Variants in KCNMA1 observed in about 807,000 individuals in gnomAD.
The protein encoded by KCNMA1 is potassium calcium-activated channel subfamily M alpha 1, also known as Calcium-activated potassium channel subunit alpha-1.
Under a neutral mutation model 140.0 loss-of-function variants are expected in KCNMA1, and 29 were observed. The ratio of observed to expected loss-of-function variants is 0.21; its 90% CI spans 0.15 to 0.28. The LOEUF (loss-of-function observed/expected upper bound fraction) is 0.28, where lower values mean the gene tolerates loss of function less well. Ranked by LOEUF, KCNMA1 falls within the 10% of genes least tolerant of loss-of-function variation. The pLI, the probability that KCNMA1 is intolerant of heterozygous loss-of-function variation, is 1.00. For missense variants in KCNMA1, 880 were observed against 1,602.2 expected, an observed-to-expected ratio of 0.55 and a Z score of 7.70; for synonymous variants, 612 against 611.9, an observed-to-expected ratio of 1.00 and a Z score of 0.00.
At chr10:77,312,639 T>G (rs1359969460) in intron 2 of KCNMA1, among the ~76,000 whole-genome samples, 1 of 151,934 alleles carries the variant, frequency 6.6e-6, no homozygotes, top group Non-Finnish European at 1.5e-5. Context: ...AAATAAAGAA[T>G]GCCAAGAGGC....
At chr10:77,628,131 T>C (rs2092761039) in intron 1 of KCNMA1, among the ~76,000 whole-genome samples, 1 of 152,012 alleles carries the variant, frequency 6.6e-6, no homozygotes, top group Non-Finnish European at 1.5e-5. Context: ...ACTCATCTTA[T>C]ACTCCCAACT....
intron 2 of KCNMA1, among the ~76,000 whole-genome samples, chr10:77,291,877 C>A (rs1343361259): frequency 2.0e-5 from 3 of 152,114 alleles, no homozygotes; most frequent in Admixed American, 6.5e-5. Context: ...TAGATAAATT[C>A]CCCAGGGGCA....
intron 1 of KCNMA1, among the ~76,000 whole-genome samples, chr10:77,428,534 GT>G (rs1391891696): frequency 6.6e-6 from 1 of 152,166 alleles, no homozygotes; most frequent in Non-Finnish European, 1.5e-5. Flanking sequence ...TAAGGAGTGT[GT>G]TTTGCAGGCT....
chr10:77,060,025 T>A (rs1455947391), intron 14 of KCNMA1, among the ~76,000 whole-genome samples: 1 of 152,152 alleles, frequency 6.6e-6, no homozygotes. Context: ...AGAATCTTGA[T>A]GCTGAAAACT....
chr10:77,165,535 C>T (rs895782184), intron 5 of KCNMA1, among the ~76,000 whole-genome samples: 4 of 152,106 alleles, frequency 2.6e-5, no homozygotes, highest in Non-Finnish European at 4.4e-5. Flanking sequence ...AAATATTCTA[C>T]GGAGATAAAA....
At chr10:77,483,725 GA>G (rs2154534500) in intron 1 of KCNMA1, among the ~76,000 whole-genome samples, 1 of 152,310 alleles carries the variant, frequency 6.6e-6, no homozygotes, top group African/African-American at 2.4e-5. Flanking sequence ...CCACATTCAA[GA>G]ACCTGGTGAA....
At chr10:77,510,713 A>G (rs1333690442) in intron 1 of KCNMA1, among the ~76,000 whole-genome samples, 1 of 151,958 alleles carries the variant, frequency 6.6e-6, no homozygotes, top group Non-Finnish European at 1.5e-5. Flanking sequence ...CAGGAGGATC[A>G]CTTGAGCCCA....
At chr10:77,539,634 G>A (rs1182191408) in intron 1 of KCNMA1, among the ~76,000 whole-genome samples, 1 of 152,214 alleles carries the variant, frequency 6.6e-6, no homozygotes, top group Non-Finnish European at 1.5e-5. Flanking sequence ...CACAGACACT[G>A]AGGAGCCACG....
chr10:77,093,341 C>A (rs1595807045), intron 9 of KCNMA1, among the ~76,000 whole-genome samples: 1 of 152,202 alleles, frequency 6.6e-6, no homozygotes, highest in Non-Finnish European at 1.5e-5. Flanking sequence ...ATCATGGCAA[C>A]CTTGGAGAAC....
At chr10:77,354,171 G>C (rs930219746) in intron 2 of KCNMA1, among the ~76,000 whole-genome samples, 1 of 152,172 alleles carries the variant, frequency 6.6e-6, no homozygotes, top group African/African-American at 2.4e-5. Flanking sequence ...ATTTTTAGTA[G>C]AGACAGGGTT....
At position 76,887,306 on chromosome 10, in the gene KCNMA1, GA is replaced by G; in HGVS notation, c.3670del (p.Ser1224ProfsTer72). On this transcript the variant is annotated frameshift_variant, in exon 28 of 28. Coordinates refer to ENST00000286628, the MANE Select transcript of KCNMA1 (RefSeq NM_001161352.2). LOFTEE classifies it high-confidence loss of function. ...NRQNRPKSRE[S>X]RDKQKYVQEE... ...CTGCACGTACTTCTGTTTGTCCCGG[GA>G]CTCCCTGGACTTGGGCCGGTTCTGT... is the stretch of plus-strand genomic sequence containing the variant. The G allele has an allele frequency of 6.2e-7, 1 of 1,614,082 alleles. No homozygotes were observed. Among genetic ancestry groups the G allele is most frequent in the Non-Finnish European group, 8.5e-7 (1 of 1,180,018 alleles).
intron 7 of KCNMA1, among the ~76,000 whole-genome samples, chr10:77,111,497 A>T (rs1428438413): frequency 6.6e-6 from 1 of 152,160 alleles, no homozygotes; most frequent in Non-Finnish European, 1.5e-5. Context: ...GGTTACAGCA[A>T]GAATTAGGGT....
In KCNMA1 at chr10:77,486,784, A is replaced by G. The variant is rs569587758; in HGVS notation, c.379-82761T>C. On this transcript the variant is annotated intron_variant, in intron 1 of 27. Coordinates refer to ENST00000286628, the MANE Select transcript of KCNMA1 (RefSeq NM_001161352.2). The stretch of plus-strand genomic sequence containing the variant: ...AGGGTTTCTCCTGGCCCTGTGCATA[A>G]TAAGAAGCAGCTTCCTCTGTCTCCA... Among the ~76,000 whole-genome samples the G allele has an allele frequency of 2.6e-5, 4 of 152,316 alleles. No homozygotes were observed. The South Asian group carries it at 8.3e-4, about 32-fold the overall frequency.
At chr10:77,026,989 C>A (rs757075818) in intron 16 of KCNMA1, among the ~76,000 whole-genome samples, 1 of 152,164 alleles carries the variant, frequency 6.6e-6, no homozygotes, top group South Asian at 2.1e-4. Context: ...AAAATATGAA[C>A]TATAGAGGAA....
intron 1 of KCNMA1, among the ~76,000 whole-genome samples, chr10:77,594,229 A>G (rs1398757400): frequency 6.6e-6 from 1 of 152,214 alleles, no homozygotes; most frequent in Admixed American, 6.5e-5. Context: ...CTTTCCTACC[A>G]GTAGCAATAC....
At chr10:77,035,131 A>T (rs189834009) in intron 15 of KCNMA1, among the ~76,000 whole-genome samples, 28 of 152,362 alleles carry the variant, frequency 1.8e-4, no homozygotes, top group Admixed American at 1.6e-3. Flanking sequence ...TCTTTGTCTC[A>T]TCTAAAGAGG....
intron 3 of KCNMA1, among the ~76,000 whole-genome samples, chr10:77,200,243 G>A (rs900283850): frequency 2.0e-5 from 3 of 152,136 alleles, no homozygotes; most frequent in South Asian, 2.1e-4. Context: ...GAGCCACCAC[G>A]CCCAGCCTGA....
intron 5 of KCNMA1, among the ~76,000 whole-genome samples, chr10:77,130,834 T>C (rs1377673814): frequency 1.3e-5 from 2 of 152,190 alleles, no homozygotes; most frequent in Non-Finnish European, 2.9e-5. Flanking sequence ...CATATACATA[T>C]ATTTTCCATG....
intron 1 of KCNMA1, among the ~76,000 whole-genome samples, chr10:77,415,973 GAC>G (rs751728231): frequency 2.0e-5 from 3 of 152,184 alleles, no homozygotes; most frequent in Non-Finnish European, 4.4e-5. Flanking sequence ...GCTGGCATTT[GAC>G]AGTTTCTTTT....
Sources: gnomAD v4.1 joint callset for allele counts (sites outside exome capture counted in the v4.1 genomes callset) on GRCh38, gnomAD v4.1.1 for gene constraint, MANE v1.5 for transcripts, NCBI Gene and HGNC (gene_info 2026-07-23, HGNC 2026-07-21) for gene names.